Variants in SLC38A6 observed in about 807,000 individuals in gnomAD.
The protein encoded by SLC38A6 is solute carrier family 38 member 6, also known as N system amino acid transporter NAT-1.
A neutral mutation model predicts 65.0 loss-of-function variants in SLC38A6; 73 were observed. The observed-to-expected ratio is 1.12, with a 90% CI of 0.93 to 1.37. SLC38A6 has a LOEUF of 1.37. SLC38A6 is among the 40% of genes most tolerant of loss of function. The probability of loss-of-function intolerance (pLI) is 0.00; values close to 1 mark genes in which losing one functional copy is unlikely to be tolerated. For missense variants in SLC38A6, 561 were observed against 531.1 expected (o/e 1.06, Z -0.55); for synonymous variants, 183 against 178.8 (o/e 1.02, Z -0.19).
chr14:61,080,863 G>T (rs962101343), intron 16 of SLC38A6, among the ~76,000 whole-genome samples: 1 of 152,154 alleles, frequency 6.6e-6, no homozygotes, highest in African/African-American at 2.4e-5. Context: ...CTCGGCACCT[G>T]GTTCAAATTT....
chr14:61,010,505 T>C (rs747912946), intron 3 of SLC38A6, among the ~76,000 whole-genome samples: 6 of 152,254 alleles, frequency 3.9e-5, no homozygotes, highest in Non-Finnish European at 5.9e-5. Context: ...CTATGGTTTT[T>C]ATGGTTTTAG....
chr14:61,023,355 G>A (rs2139604215), intron 5 of SLC38A6, among the ~76,000 whole-genome samples: 1 of 152,200 alleles, frequency 6.6e-6, no homozygotes. Flanking sequence ...AGGATTGCCT[G>A]AGCTCAGGAG....
chr14:61,071,166 A>G (rs1403476294), intron 15 of SLC38A6, among the ~76,000 whole-genome samples: 3 of 152,210 alleles, frequency 2.0e-5, no homozygotes, highest in Non-Finnish European at 4.4e-5. Context: ...ATAGACCATA[A>G]TTTAATTAGC....
At position 61,016,108 on chromosome 14, in the gene SLC38A6, A is replaced by G. The variant is rs111613643; in HGVS notation, c.363+152A>G. ...AAAGAGAGAATGATAGGAGCAGGCAAAGAAAGAGAAGTCTTTGTGTCCTTC... is the reference window on the plus strand; with the variant it reads ...AAAGAGAGAATGATAGGAGCAGGCAGAGAAAGAGAAGTCTTTGTGTCCTTC... On this transcript the variant is annotated intron_variant, in intron 4 of 15. Transcript: ENST00000267488. The G allele has an allele frequency of 3.1e-3, 1,584 of 517,288 alleles. 25 individuals are homozygous for G. Among genetic ancestry groups the G allele is most frequent in the African/African-American group, 0.027 (1,411 of 51,634 alleles). The allele number at this position is 517,288 out of a possible 1,614,324, so 32.0% of individuals were successfully genotyped here.
chr14:61,083,006 C>T (rs531634820), intron 16 of SLC38A6, among the ~76,000 whole-genome samples: 3 of 152,366 alleles, frequency 2.0e-5, no homozygotes, highest in African/African-American at 7.2e-5. Flanking sequence ...ATGTGCCTCT[C>T]ATAAATCACC....
intron 15 of SLC38A6, among the ~76,000 whole-genome samples, chr14:61,074,174 C>A (rs1239974173): frequency 6.6e-6 from 1 of 152,068 alleles, no homozygotes; most frequent in Non-Finnish European, 1.5e-5. Flanking sequence ...CCTCTGACCC[C>A]CACATTGTTC....
intron 3 of SLC38A6, among the ~76,000 whole-genome samples, chr14:61,010,369 G>C (rs1044759837): frequency 6.6e-6 from 1 of 152,106 alleles, no homozygotes; most frequent in East Asian, 1.9e-4. Context: ...CTGTGCAGAA[G>C]CTCTTTAGTT....
chr14:61,066,131 A>C (rs573609300), intron 15 of SLC38A6, among the ~76,000 whole-genome samples: 17 of 152,280 alleles, frequency 1.1e-4, no homozygotes, highest in African/African-American at 3.6e-4. Context: ...GAATCTTTTT[A>C]TTGTACTGAG....
chr14:61,020,097 A>G (rs565388476), intron 5 of SLC38A6, among the ~76,000 whole-genome samples: 2 of 152,272 alleles, frequency 1.3e-5, no homozygotes, highest in South Asian at 2.1e-4. Flanking sequence ...TCTTGTTCCT[A>G]TTAATAACCA....
In SLC38A6 at chr14:61,077,095, A is replaced by G. The variant is rs142606416; in HGVS notation, c.1291-1715A>G. 1.6e-3 allele frequency among the ~76,000 whole-genome samples: 249 copies of G among 152,346 alleles called. 1 individual carries two copies. Among genetic ancestry groups the G allele is most frequent in the Middle Eastern group, 0.01 (3 of 294 alleles). Reference sequence around the variant, plus strand: ...GATAAGATTGCAGACTTTTTATTTTATAAATTGATTAAGGATATTAAACTT... The same window carrying G: ...GATAAGATTGCAGACTTTTTATTTTGTAAATTGATTAAGGATATTAAACTT... On this transcript the variant is annotated intron_variant, in intron 15 of 16. Coordinates refer to the SLC38A6 transcript ENST00000354886.
intron 3 of SLC38A6, 63 bp from the exon 4 acceptor site, chr14:61,015,841 T>A (rs2039970804): frequency 7.4e-7 from 1 of 1,344,808 alleles, no homozygotes; most frequent in African/African-American, 1.5e-5. Flanking sequence ...CCTGCTCTTC[T>A]CTTTAGGACC....
At position 61,043,506 on chromosome 14, in the gene SLC38A6, G is replaced by T. The variant is rs1467582356; in HGVS notation, c.744+3G>T. Reference sequence around the variant, plus strand: ...AGCTCTTTCATTTCTCCAAAGAGGTGTGTAAGTTATTAACAGATACTTTTA... The same window carrying T: ...AGCTCTTTCATTTCTCCAAAGAGGTTTGTAAGTTATTAACAGATACTTTTA... On this transcript the variant is annotated splice_donor_region_variant and intron_variant, in intron 10 of 15. Coordinates refer to ENST00000267488, the MANE Select transcript of SLC38A6 (RefSeq NM_153811.3). The T allele has an allele frequency of 1.3e-6, 2 of 1,597,316 alleles. No individual in the cohort carries two copies. The highest frequency in any genetic ancestry group is 1.7e-6 in the Non-Finnish European group (2 of 1,170,420).
chr14:61,075,148 T>G (rs1234404733), intron 15 of SLC38A6, among the ~76,000 whole-genome samples: 1 of 152,086 alleles, frequency 6.6e-6, no homozygotes, highest in Non-Finnish European at 1.5e-5. Context: ...AACCCAGTGG[T>G]GGGAGTCTAG....
At chr14:61,043,597 G>A in intron 10 of SLC38A6, 94 bp downstream of exon 10, 1 of 779,612 alleles carries the variant, frequency 1.3e-6, no homozygotes, top group Middle Eastern at 2.5e-4. Flanking sequence ...CTTTGTACCT[G>A]TGACTAATTA....
At chr14:61,014,545 C>T (rs985204220) in intron 3 of SLC38A6, among the ~76,000 whole-genome samples, 4 of 152,216 alleles carry the variant, frequency 2.6e-5, no homozygotes, top group Middle Eastern at 3.4e-3. Flanking sequence ...ATGATGGTGA[C>T]GTACAGGTGG....
chr14:61,040,848 A>G (rs1202052283), intron 8 of SLC38A6, among the ~76,000 whole-genome samples: 3 of 152,224 alleles, frequency 2.0e-5, no homozygotes, highest in Admixed American at 6.5e-5. Flanking sequence ...TATGTTAGGC[A>G]TTTTAGGATG....
intron 3 of SLC38A6, among the ~76,000 whole-genome samples, chr14:60,985,532 T>G (rs186344786): frequency 5.9e-4 from 90 of 152,348 alleles, no homozygotes; most frequent in East Asian, 5.0e-3. Flanking sequence ...CTCTTTTGTC[T>G]TTGGATTAGG....
intron 8 of SLC38A6, among the ~76,000 whole-genome samples, chr14:61,039,959 G>C (rs1023823181): frequency 6.6e-6 from 1 of 150,720 alleles, no homozygotes; most frequent in Non-Finnish European, 1.5e-5. Flanking sequence ...CTAAATTTTT[G>C]CCCCCTCTAA....
intron 3 of SLC38A6, among the ~76,000 whole-genome samples, chr14:61,015,534 CAT>C (rs2039946569): frequency 7.4e-6 from 1 of 135,582 alleles, no homozygotes; most frequent in South Asian, 2.3e-4. Context: ...GATAGAGAAA[CAT>C]AATAAAAGAA....
Sources: allele counts gnomAD v4.1 joint callset (sites outside exome capture counted in the v4.1 genomes callset), GRCh38; gene constraint gnomAD v4.1.1; transcripts MANE v1.5; gene names NCBI Gene and HGNC (gene_info 2026-07-23, HGNC 2026-07-21).